IL12RB2: variants seen among roughly 807,000 people sequenced by gnomAD.
IL12RB2 encodes interleukin 12 receptor subunit beta 2.
A neutral mutation model predicts 89.4 loss-of-function variants in IL12RB2; 82 were observed. The ratio of observed to expected loss-of-function variants is 0.92; its 90% confidence interval spans 0.77 to 1.10. IL12RB2 has a LOEUF of 1.10. Ranked by LOEUF, IL12RB2 falls within the 50% of genes least tolerant of loss-of-function variation. The probability of loss-of-function intolerance (pLI) is 0.00; values close to 1 mark genes in which losing one functional copy is unlikely to be tolerated. For missense variants in IL12RB2, 963 were observed against 1,031.9 expected (o/e 0.93, Z 0.92); for synonymous variants, 368 against 370.1 (o/e 0.99, Z 0.07).
intron 16 of IL12RB2, among the ~76,000 whole-genome samples, chr1:67,390,657 C>G (rs1665713037): frequency 6.6e-6 from 1 of 152,016 alleles, no homozygotes; most frequent in South Asian, 2.1e-4. Flanking sequence ...GGTTGATCAG[C>G]TGGCAGATGA....
In IL12RB2 at chr1:67,395,884, C is replaced by A; in HGVS notation, c.2384C>A (p.Pro795His). ...ACGGTGCTCCCAGCAGGTGACCTTC[C>A]CACCCATGATGGCTACTTACCCTCC... is the stretch of plus-strand genomic sequence containing the variant. Reference protein sequence around the residue: ...PWTVLPAGDLPTHDGYLPSNI... With the variant: ...PWTVLPAGDLHTHDGYLPSNI... The change falls in exon 17 of 17, where the codon CCC becomes CAC. Residue 795 changes from proline (P) to histidine (H), a missense_variant. By Grantham distance (77) the Pro-to-His change is moderately conservative (BLOSUM62 -2). Transcript: ENST00000674203. 1 of 1,608,464 alleles carries A rather than the reference C, an allele frequency of 6.2e-7. No individual in the cohort carries two copies. The highest frequency in any genetic ancestry group is 8.5e-7 in the Non-Finnish European group (1 of 1,175,310).
At chr1:67,316,518 T>C (rs141745925) in intron 2 of IL12RB2, among the ~76,000 whole-genome samples, 1 of 152,038 alleles carries the variant, frequency 6.6e-6, no homozygotes, top group South Asian at 2.1e-4. Context: ...AAATTCCTAA[T>C]TAAACACCAG....
In IL12RB2 at chr1:67,326,752, CA is replaced by C. The variant is rs1657341782; in HGVS notation, c.386del (p.Asn129IlefsTer33). The part of the protein sequence containing the change: ...IFVGVAPEQP[Q>X]NLSCIQKGEQ... ...TTTTAAAGTTGCTCCAGAACAGCCT[CA>C]AAATTTATCCTGCATACAGAAGGGA... is the stretch of plus-strand genomic sequence containing the variant. On this transcript the variant is annotated frameshift_variant, in exon 5 of 17. Coordinates refer to ENST00000674203, the MANE Select transcript of IL12RB2 (RefSeq NM_001374259.2). LOFTEE classifies it high-confidence loss of function. 1.2e-6 allele frequency: 2 copies of C among 1,613,358 alleles called. No homozygotes were observed. The highest frequency in any genetic ancestry group is 1.7e-6 in the Non-Finnish European group (2 of 1,179,580).
chr1:67,366,174 G>A (rs889924782), intron 10 of IL12RB2, among the ~76,000 whole-genome samples: 20 of 151,996 alleles, frequency 1.3e-4, no homozygotes, highest in South Asian at 2.1e-4. Flanking sequence ...AAAAATGGCC[G>A]GGTGCAATGG....
intron 11 of IL12RB2, among the ~76,000 whole-genome samples, chr1:67,369,460 A>T (rs143897433): frequency 4.6e-5 from 7 of 152,368 alleles, no homozygotes; most frequent in African/African-American, 1.7e-4. Context: ...ATGTTCTCTA[A>T]TGGGACAATC....
At chr1:67,378,392 G>A (rs1313532846) in intron 13 of IL12RB2, among the ~76,000 whole-genome samples, 2 of 152,092 alleles carry the variant, frequency 1.3e-5, no homozygotes, top group Non-Finnish European at 2.9e-5. Context: ...AAAACTGCAG[G>A]GGTGTTGAGA....
chr1:67,365,939 T>C (rs541598621), intron 10 of IL12RB2, among the ~76,000 whole-genome samples: 15 of 152,252 alleles, frequency 9.9e-5, no homozygotes, highest in Middle Eastern at 3.4e-3. Context: ...AAAGTAGCTA[T>C]ATATGTGTCA....
intron 1 of IL12RB2, among the ~76,000 whole-genome samples, chr1:67,312,212 C>A (rs1368807136): frequency 6.6e-6 from 1 of 152,164 alleles, no homozygotes; most frequent in Non-Finnish European, 1.5e-5. Flanking sequence ...AGCACATCAT[C>A]CTTCCCAATA....
intron 9 of IL12RB2, among the ~76,000 whole-genome samples, chr1:67,344,493 A>G (rs906807978): frequency 1.3e-5 from 2 of 152,034 alleles, no homozygotes; most frequent in Non-Finnish European, 2.9e-5. Flanking sequence ...AGATTTTGCC[A>G]TGTTGGCCAG....
chr1:67,367,858 C>T lies in IL12RB2; in HGVS notation c.1292C>T (p.Ser431Leu), dbSNP rs778500010. 4 of 1,607,874 alleles carry T rather than the reference C, an allele frequency of 2.5e-6. No homozygotes were observed. Among genetic ancestry groups the T allele is most frequent in the Non-Finnish European group, 3.4e-6 (4 of 1,174,314 alleles). ...GCTCCTCGCCAGGTCTCTGCAAACTCAGAGGGCATGGACAACATTCTGGTG... is the reference window on the plus strand; with the variant it reads ...GCTCCTCGCCAGGTCTCTGCAAACTTAGAGGGCATGGACAACATTCTGGTG... Reference protein sequence around the residue: ...LLAPRQVSANSEGMDNILVTW... With the variant: ...LLAPRQVSANLEGMDNILVTW... The change falls in exon 11 of 17, where the codon TCA becomes TTA. Residue 431 changes from serine to leucine, a missense_variant. Coordinates refer to ENST00000674203, the MANE Select transcript of IL12RB2 (RefSeq NM_001374259.2).
At chr1:67,341,280 G>A (rs1171437859) in intron 9 of IL12RB2, among the ~76,000 whole-genome samples, 2 of 152,230 alleles carry the variant, frequency 1.3e-5, no homozygotes, top group East Asian at 3.9e-4. Flanking sequence ...TCAGCTGGGT[G>A]TGGTGATGCC....
rs940947117 is a variant in IL12RB2, at chr1:67,363,052, G to A, written c.1259-4773G>A. Among the ~76,000 whole-genome samples, 10 of 151,340 alleles carry A rather than the reference G, an allele frequency of 6.6e-5. No homozygotes were observed. In the East Asian group the frequency reaches 1.4e-3, roughly 21 times the overall value. On this transcript the variant is annotated intron_variant, in intron 10 of 16. Coordinates refer to ENST00000674203, the MANE Select transcript of IL12RB2 (RefSeq NM_001374259.2). ...CAAGTAGCTGGGATTACAGGCACAC[G>A]CCACCACACCCGGTTAATTTTTGTA...
At chr1:67,369,807 A>C (rs1299313752) in intron 11 of IL12RB2, among the ~76,000 whole-genome samples, 1 of 152,170 alleles carries the variant, frequency 6.6e-6, no homozygotes, top group Non-Finnish European at 1.5e-5. Context: ...TGGGAGGCGG[A>C]GGTCAGGAGT....
intron 9 of IL12RB2, among the ~76,000 whole-genome samples, chr1:67,342,557 G>T (rs1348803365): frequency 1.3e-5 from 2 of 151,878 alleles, no homozygotes; most frequent in African/African-American, 4.8e-5. Flanking sequence ...GGAGTGTGGG[G>T]ATGTGAGTAG....
rs769571206 is a variant in IL12RB2 at position 67,396,096 on chromosome 1, A to G, written c.*7A>G. Reference sequence around the variant, plus strand: ...TGACTCCCTCATGCTCTGAGTGGTGAGGCTTCAAGCCTTAAAGTCAGTGTG... The same window carrying G: ...TGACTCCCTCATGCTCTGAGTGGTGGGGCTTCAAGCCTTAAAGTCAGTGTG... On this transcript the variant is annotated 3_prime_UTR_variant, in exon 17 of 17. Coordinates refer to ENST00000674203, the MANE Select transcript of IL12RB2 (RefSeq NM_001374259.2). 6.4e-7 allele frequency: 1 copy of G among 1,555,564 alleles called. No individual in the cohort carries two copies. The highest frequency in any genetic ancestry group is 8.9e-7 in the Non-Finnish European group (1 of 1,126,934).
At chr1:67,381,431 T>C (rs1316121866) in intron 14 of IL12RB2, among the ~76,000 whole-genome samples, 2 of 152,136 alleles carry the variant, frequency 1.3e-5, no homozygotes, top group Admixed American at 6.5e-5. Context: ...CACTGGGAAA[T>C]TGACAAGACT....
Position 67,396,320 on chromosome 1 carries a change from G to A in IL12RB2, c.*231G>A, listed in dbSNP as rs1666365672. ...GCCTTAAAATTACATCCTTCACTGT[G>A]TGGACCTAGAGACTCCAACTTGAAT... is the stretch of plus-strand genomic sequence containing the variant. On this transcript the variant is annotated 3_prime_UTR_variant, in exon 17 of 17. Transcript: ENST00000674203. 1.7e-6 allele frequency: 1 copy of A among 602,774 alleles called. No homozygotes were observed. The highest frequency in any genetic ancestry group is 1.8e-5 in the African/African-American group (1 of 54,240). 37.3% of individuals were successfully genotyped at this position (602,774 alleles called of 1,614,324 possible).
intron 5 of IL12RB2, 76 bp from the exon 6 acceptor site, chr1:67,328,123 CA>C: frequency 2.0e-6 from 2 of 1,003,592 alleles, no homozygotes; most frequent in Middle Eastern, 2.0e-4. Context: ...AATATTTAAA[CA>C]TTTTGTTCTT....
chr1:67,390,259 T>A (rs1665663903), intron 16 of IL12RB2, 131 bp downstream of exon 16: 1 of 672,402 alleles, frequency 1.5e-6, no homozygotes, highest in Non-Finnish European at 2.7e-6. Context: ...CACGCTTGGC[T>A]ACCACTGAGT....
Sources: allele counts gnomAD v4.1 joint callset (sites outside exome capture counted in the v4.1 genomes callset), GRCh38; gene constraint gnomAD v4.1.1; transcripts MANE v1.5; gene names NCBI Gene and HGNC (gene_info 2026-07-23, HGNC 2026-07-21).